The following MUC7 variants were observed in gnomAD, a reference collection of about 807,000 sequenced individuals.
The protein encoded by MUC7 is mucin 7, secreted, also known as mucin-7.
Under a neutral mutation model 2.5 loss-of-function variants are expected in MUC7, and 2 were observed. The ratio of observed to expected loss-of-function variants is 0.81; its 90% CI spans 0.33 to 2.55. The LOEUF is 2.55. MUC7 is among the 30% of genes most tolerant of loss of function. The pLI is 0.11. For synonymous variants in MUC7, 133 were observed against 173.4 expected, an observed-to-expected ratio of 0.77 and a Z score of 1.83; for missense variants, 408 against 455.6, an observed-to-expected ratio of 0.90 and a Z score of 0.95.
At position 70,481,188 on chromosome 4, in the gene MUC7, C is replaced by T; in HGVS notation, c.444C>T (p.Ser148=). 6.2e-7 allele frequency: 1 copy of T among 1,614,228 alleles called. No individual in the cohort carries two copies. Among genetic ancestry groups the T allele is most frequent in the Non-Finnish European group, 8.5e-7 (1 of 1,180,034 alleles). Residue 148 remains serine, a synonymous_variant, in exon 3 of 3, where the codon AGC becomes AGT. Coordinates refer to ENST00000304887, the MANE Select transcript of MUC7 (RefSeq NM_152291.3). ...CTTCAAGAGAAAATGTTAACACAAG[C>T]TCTTCTGTAGCTACATTAGCACCAG... ...TISSRENVNT[S]SSVATLAPVN... is the part of the protein sequence containing the mutation.
intron 2 of MUC7, among the ~76,000 whole-genome samples, chr4:70,476,819 T>A (rs1200805282): frequency 6.6e-6 from 1 of 152,050 alleles, no homozygotes; most frequent in East Asian, 1.9e-4. Flanking sequence ...AATACAGGAA[T>A]GTACCGGAGA....
At chr4:70,433,129 G>A (rs547068494) in intron 1 of MUC7, among the ~76,000 whole-genome samples, 1 of 152,292 alleles carries the variant, frequency 6.6e-6, no homozygotes, top group Non-Finnish European at 1.5e-5. Context: ...TTTGGTTACT[G>A]TAGCCTTGTA....
intron 1 of MUC7, among the ~76,000 whole-genome samples, chr4:70,431,496 G>C (rs1210462392): frequency 6.6e-6 from 1 of 151,832 alleles, no homozygotes; most frequent in Non-Finnish European, 1.5e-5. Context: ...TTTTGGGGGG[G>C]TGGGAGATGA....
intron 1 of MUC7, among the ~76,000 whole-genome samples, chr4:70,433,287 G>A (rs1733730347): frequency 6.6e-6 from 1 of 152,082 alleles, no homozygotes; most frequent in African/African-American, 2.4e-5. Context: ...GTAGCTTGAT[G>A]GAGATAGCAC....
chr4:70,437,111 G>C (rs530946960), intron 1 of MUC7, among the ~76,000 whole-genome samples: 2 of 152,214 alleles, frequency 1.3e-5, no homozygotes, highest in East Asian at 3.9e-4. Flanking sequence ...TGAGGTGTCT[G>C]TCAGCCCCTA....
At chr4:70,480,293 C>T (rs970544847) in intron 2 of MUC7, among the ~76,000 whole-genome samples, 5 of 151,986 alleles carry the variant, frequency 3.3e-5, no homozygotes, top group Admixed American at 1.3e-4. Flanking sequence ...AACATGAAGC[C>T]GGGGTGGGAT....
chr4:70,433,671 CA>C (rs1160719398), intron 1 of MUC7, among the ~76,000 whole-genome samples: 2 of 152,160 alleles, frequency 1.3e-5, no homozygotes, highest in Non-Finnish European at 2.9e-5. Context: ...CATCTGCAAA[CA>C]GGGACAATTT....
At chr4:70,479,856 T>G (rs923923061) in intron 2 of MUC7, among the ~76,000 whole-genome samples, 7 of 152,200 alleles carry the variant, frequency 4.6e-5, no homozygotes, top group Non-Finnish European at 8.8e-5. Flanking sequence ...GAAATCTTCA[T>G]GAAGAAAATT....
chr4:70,459,527 A>C (rs918603969), intron 1 of MUC7, among the ~76,000 whole-genome samples: 7 of 152,178 alleles, frequency 4.6e-5, no homozygotes, highest in African/African-American at 1.7e-4. Context: ...ACATGTATAC[A>C]TATGTAACTA....
At chr4:70,465,991 C>T (rs1734674234) in intron 1 of MUC7, among the ~76,000 whole-genome samples, 1 of 152,042 alleles carries the variant, frequency 6.6e-6, no homozygotes, top group Non-Finnish European at 1.5e-5. Context: ...TTAAGGGCAG[C>T]CAGAGAGAAA....
chr4:70,440,759 G>A (rs1023505674), intron 1 of MUC7, among the ~76,000 whole-genome samples: 1 of 151,732 alleles, frequency 6.6e-6, no homozygotes, highest in African/African-American at 2.4e-5. Flanking sequence ...TAAAAATGGA[G>A]GGAGACAGAA....
intron 1 of MUC7, among the ~76,000 whole-genome samples, chr4:70,435,136 C>A (rs1432408275): frequency 6.6e-6 from 1 of 152,066 alleles, no homozygotes; most frequent in African/African-American, 2.4e-5. Context: ...ATTATGTGGT[C>A]AATTTTAGAA....
upstream of MUC7, among the ~76,000 whole-genome samples, chr4:70,471,143 G>A (rs995460280): frequency 4.6e-5 from 7 of 152,102 alleles, no homozygotes; most frequent in African/African-American, 9.7e-5. Context: ...CCAGATTAAC[G>A]ATTTTACATA....
At chr4:70,466,675 T>C (rs969290972) in intron 1 of MUC7, among the ~76,000 whole-genome samples, 2 of 151,860 alleles carry the variant, frequency 1.3e-5, no homozygotes, top group African/African-American at 4.8e-5. Flanking sequence ...CATTACATAA[T>C]GGTAAAGGGA....
chr4:70,435,440 G>A (rs2200986), intron 1 of MUC7, among the ~76,000 whole-genome samples: 2 of 152,168 alleles, frequency 1.3e-5, no homozygotes, highest in South Asian at 2.1e-4. Context: ...TGAATTGATC[G>A]CTTTACCATT....
intron 1 of MUC7, among the ~76,000 whole-genome samples, chr4:70,461,156 T>A (rs1734547465): frequency 6.6e-6 from 1 of 152,212 alleles, no homozygotes; most frequent in Non-Finnish European, 1.5e-5. Context: ...TACTCATGCC[T>A]TCTCTGTTGG....
rs1735156253 is a variant in MUC7 at position 70,481,101 on chromosome 4, T to C, written c.357T>C (p.Ala119=). 6.2e-7 allele frequency: 1 copy of C among 1,614,120 alleles called. No homozygotes were observed. Among genetic ancestry groups the C allele is most frequent in the Non-Finnish European group, 8.5e-7 (1 of 1,180,016 alleles). ...TTCCATCTGTGACTTTCCCATCAGCTTCCACCAAAATTACTACCCTTCCAA... is the reference window on the plus strand; with the variant it reads ...TTCCATCTGTGACTTTCCCATCAGCCTCCACCAAAATTACTACCCTTCCAA... ...TQIPSVTFPS[A]STKITTLPNV... Residue 119 remains alanine (A), a synonymous_variant, in exon 3 of 3, where the codon GCT becomes GCC. Coordinates refer to ENST00000304887, the MANE Select transcript of MUC7 (RefSeq NM_152291.3).
rs759818649 is a variant in MUC7 at position 70,481,522 on chromosome 4, G to C, written c.778G>C (p.Val260Leu). The C allele has an allele frequency of 1.2e-6, 2 of 1,604,540 alleles. No homozygotes were observed. Among genetic ancestry groups the C allele is most frequent in the Non-Finnish European group, 1.7e-6 (2 of 1,177,016 alleles). ...SSSAPPETTA[V>L]PPTPSATTLD... ...CTCAGCTCCACCAGAGACCACAGCT[G>C]TCCCACCCACACCTTCTGCAACTAC... The change falls in exon 3 of 3, where the codon GTC (valine) becomes CTC (leucine). Residue 260 changes from valine (V) to leucine (L), a missense_variant. By Grantham distance (32) the Val-to-Leu change is conservative (BLOSUM62 1). Coordinates refer to ENST00000304887, the MANE Select transcript of MUC7 (RefSeq NM_152291.3).
At chr4:70,443,415 A>G (rs1734052201) in intron 1 of MUC7, among the ~76,000 whole-genome samples, 1 of 152,098 alleles carries the variant, frequency 6.6e-6, no homozygotes, top group African/African-American at 2.4e-5. Context: ...CAACCCCCTA[A>G]CAAAAGATCT....
Sources: gnomAD v4.1 joint callset for allele counts (sites outside exome capture counted in the v4.1 genomes callset) on GRCh38, gnomAD v4.1.1 for gene constraint, MANE v1.5 for transcripts, NCBI Gene and HGNC (gene_info 2026-07-23, HGNC 2026-07-21) for gene names.